The following MED12L variants were observed in gnomAD, a reference collection of about 807,000 sequenced individuals.
The protein encoded by MED12L is mediator complex subunit 12L.
MED12L carries 60 observed loss-of-function variants against 281.3 expected under a neutral mutation model. The observed-to-expected ratio is 0.21, with a 90% CI of 0.17 to 0.26. MED12L has a LOEUF of 0.26. MED12L is among the 10% of genes least tolerant of loss of function. The probability of loss-of-function intolerance (pLI) is 1.00; values close to 1 mark genes in which losing one functional copy is unlikely to be tolerated. For synonymous variants in MED12L, 974 were observed against 987.2 expected, an observed-to-expected ratio of 0.99 and a Z score of 0.25; for missense variants, 2,146 against 2,680.9, an observed-to-expected ratio of 0.80 and a Z score of 4.41.
rs1712896576 is a variant in MED12L, at chr3:151,384,134, G to A, written c.4842G>A (p.Thr1614=). 5.0e-6 allele frequency: 8 copies of A among 1,613,882 alleles called. No homozygotes were observed. Among genetic ancestry groups the A allele is most frequent in the African/African-American group, 1.3e-5 (1 of 74,918 alleles). ...TGCTGGGTGTTTTAATCAATGGAAC[G>A]TTAGCCTCTGACCTATCAAATGCAT... The part of the protein sequence containing the change: ...LDMLGVLING[T]LASDLSNASP... The change falls in exon 35 of 45, where the codon ACG becomes ACA. Residue 1614 remains threonine (T), a synonymous_variant. Transcript: ENST00000687756.
chr3:151,294,455 C>T (rs777686347), intron 16 of MED12L: 1 of 1,614,200 alleles, frequency 6.2e-7, no homozygotes, highest in Non-Finnish European at 8.5e-7. Context: ...TGGTAGAAAG[C>T]AGGTAAAAAA....
rs1719872389 is a variant in MED12L, at chr3:151,434,478, A to AAAACT, written c.*1676_*1680dup. On this transcript the variant is annotated 3_prime_UTR_variant, in exon 45 of 45. Transcript: ENST00000687756. ...TGGAAAAGACTTTGCCAAAACATTA[A>AAAACT]AAACTATTCTTTTCACTAAATTAAT... is the stretch of plus-strand genomic sequence containing the variant. The AAAACT allele has an allele frequency of 1.3e-5, 2 of 152,200 alleles. No individual in the cohort carries two copies. Among genetic ancestry groups the AAAACT allele is most frequent in the East Asian group, 3.9e-4 (2 of 5,186 alleles). 9.4% of individuals were successfully genotyped at this position (152,200 alleles called of 1,614,324 possible).
chr3:151,157,508 C>T (rs1408439190), intron 6 of MED12L, among the ~76,000 whole-genome samples: 3 of 151,750 alleles, frequency 2.0e-5, no homozygotes, highest in Non-Finnish European at 4.4e-5. Flanking sequence ...TGGAAAATTC[C>T]ATTTTGTCTC....
At chr3:151,194,240 T>C (rs1724357386) in intron 16 of MED12L, among the ~76,000 whole-genome samples, 1 of 152,204 alleles carries the variant, frequency 6.6e-6, no homozygotes, top group South Asian at 2.1e-4. Flanking sequence ...GTGCTGGGAT[T>C]ACAGGCGTGA....
rs745898005 is a variant in MED12L at position 151,337,842 on chromosome 3, T to G, written c.2251-12217T>G. 21 of 1,613,962 alleles carry G rather than the reference T, an allele frequency of 1.3e-5. No individual in the cohort carries two copies. The highest frequency in any genetic ancestry group is 1.8e-5 in the Non-Finnish European group (21 of 1,179,978). ...TTACATTGGAGTCTCTTCATTTGGG[T>G]CACCACCATCCTGTTCTTTTTTCCT... On this transcript the variant is annotated intron_variant, in intron 16 of 44. Coordinates refer to ENST00000687756, the MANE Select transcript of MED12L (RefSeq NM_001393769.1).
intron 2 of MED12L, among the ~76,000 whole-genome samples, chr3:151,099,106 A>C (rs1721090533): frequency 6.6e-6 from 1 of 152,206 alleles, no homozygotes; most frequent in African/African-American, 2.4e-5. Context: ...CTCCCATAAC[A>C]GGTGGGGATT....
chr3:151,425,884 G>A, intron 43 of MED12L: 1 of 398,658 alleles, frequency 2.5e-6, no homozygotes, highest in South Asian at 1.8e-5. Context: ...TGAAGGATGA[G>A]TAGATTTATG....
At chr3:151,417,690 G>C (rs570613092) in intron 43 of MED12L, among the ~76,000 whole-genome samples, 1 of 152,048 alleles carries the variant, frequency 6.6e-6, no homozygotes, top group South Asian at 2.1e-4. Flanking sequence ...CTGTGGTCTT[G>C]ACCTCATGAC....
Position 151,122,891 on chromosome 3 carries a change from G to C in MED12L, c.313G>C (p.Val105Leu), listed in dbSNP as rs765835351. Residue 105 changes from valine (V) to leucine (L), a missense_variant, in exon 4 of 45, where the codon GTT (valine) becomes CTT (leucine). Physicochemically the swap from Val to Leu is conservative, Grantham distance 32 (BLOSUM62 1). Transcript: ENST00000687756. ...QVNAKDNYWLVTARSQSAIHS... is the reference protein window; with the variant it reads ...QVNAKDNYWLLTARSQSAIHS... ...TAATGCTAAAGATAATTATTGGCTGGTTACTGCTCGATCCCAGAGTGCAAT... is the reference window on the plus strand; with the variant it reads ...TAATGCTAAAGATAATTATTGGCTGCTTACTGCTCGATCCCAGAGTGCAAT... 5 of 1,612,864 alleles carry C rather than the reference G, an allele frequency of 3.1e-6. No individual in the cohort carries two copies. The highest frequency in any genetic ancestry group is 4.2e-6 in the Non-Finnish European group (5 of 1,179,528).
chr3:151,413,374 C>T, intron 42 of MED12L, 79 bp downstream of exon 42: 1 of 1,484,784 alleles, frequency 6.7e-7, no homozygotes, highest in Non-Finnish European at 9.1e-7. Context: ...AAATGAAAAA[C>T]ACTATAGTTG....
chr3:151,184,218 G>A (rs541345243), intron 11 of MED12L, among the ~76,000 whole-genome samples: 3 of 152,286 alleles, frequency 2.0e-5, no homozygotes, highest in Admixed American at 2.0e-4. Flanking sequence ...TGATTTTCAT[G>A]ATCTGAATTG....
intron 16 of MED12L, among the ~76,000 whole-genome samples, chr3:151,273,836 G>A (rs1362675452): frequency 6.6e-6 from 1 of 152,120 alleles, no homozygotes; most frequent in Admixed American, 6.5e-5. Flanking sequence ...ATAAAACTTG[G>A]TGATGCAGAC....
intron 16 of MED12L, among the ~76,000 whole-genome samples, chr3:151,304,161 G>C (rs1373610770): frequency 6.6e-6 from 1 of 152,182 alleles, no homozygotes; most frequent in Non-Finnish European, 1.5e-5. Context: ...AGCAATCTCA[G>C]AAAACTCTTT....
At chr3:151,338,187 T>A in intron 16 of MED12L, 1 of 1,614,114 alleles carries the variant, frequency 6.2e-7, no homozygotes, top group Non-Finnish European at 8.5e-7. Context: ...CGTTCTTACG[T>A]ATGACCGGTA....
At chr3:151,128,093 T>G in intron 5 of MED12L, 109 bp downstream of exon 5, 1 of 955,846 alleles carries the variant, frequency 1.0e-6, no homozygotes, top group South Asian at 1.6e-5. Context: ...AGAAGGTCCG[T>G]GGTGAGACTG....
chr3:151,256,954 G>A (rs1454840522), intron 16 of MED12L, among the ~76,000 whole-genome samples: 1 of 150,796 alleles, frequency 6.6e-6, no homozygotes, highest in East Asian at 2.0e-4. Context: ...CACTTATCAA[G>A]TCCACATATG....
rs201724998 is a variant in MED12L, at chr3:151,295,079, C to G, written c.2251-54980C>G. ...CACTGCTAAACCATTCAGCAAGATG[C>G]TTGCCACAAATATAATGAGATAAAG... On this transcript the variant is annotated intron_variant, in intron 16 of 44. Coordinates refer to ENST00000687756, the MANE Select transcript of MED12L (RefSeq NM_001393769.1). 52 of 1,613,704 alleles carry G rather than the reference C, an allele frequency of 3.2e-5. No individual in the cohort carries two copies. In the East Asian group the frequency reaches 1.2e-3, roughly 36 times the overall value.
chr3:151,151,704 A>G (rs1447705615), intron 5 of MED12L, among the ~76,000 whole-genome samples: 1 of 152,126 alleles, frequency 6.6e-6, no homozygotes, highest in Non-Finnish European at 1.5e-5. Flanking sequence ...GTGGCACCTC[A>G]AGACATTTAC....
chr3:151,120,589 C>T (rs1471910727), intron 3 of MED12L, among the ~76,000 whole-genome samples: 1 of 152,042 alleles, frequency 6.6e-6, no homozygotes, highest in Non-Finnish European at 1.5e-5. Flanking sequence ...GTCTCATTTA[C>T]TAAGTGTGCA....
Sources: gnomAD v4.1 joint callset for allele counts (sites outside exome capture counted in the v4.1 genomes callset) on GRCh38, gnomAD v4.1.1 for gene constraint, MANE v1.5 for transcripts, NCBI Gene and HGNC (gene_info 2026-07-23, HGNC 2026-07-21) for gene names.